Variants in DYNC2H1 observed in about 807,000 individuals in gnomAD.
DYNC2H1 encodes dynein cytoplasmic 2 heavy chain 1, also known as cytoplasmic dynein 2 heavy chain 1.
Under a neutral mutation model 570.0 loss-of-function variants are expected in DYNC2H1, and 410 were observed. The observed-to-expected ratio is 0.72, with a 90% CI of 0.66 to 0.78. DYNC2H1 has a LOEUF of 0.78. Among genes scored for constraint, DYNC2H1 ranks in the 30% least tolerant of loss-of-function variants. DYNC2H1 has a pLI of 0.00. For missense variants in DYNC2H1, 4,865 were observed against 5,046.4 expected, an observed-to-expected ratio of 0.96 and a Z score of 1.09; for synonymous variants, 1,688 against 1,677.6, an observed-to-expected ratio of 1.01 and a Z score of -0.15.
chr11:103,293,163 G>A (rs746118292), intron 75 of DYNC2H1, among the ~76,000 whole-genome samples: 1 of 151,922 alleles, frequency 6.6e-6, no homozygotes, highest in Non-Finnish European at 1.5e-5. Flanking sequence ...TCTTTTTTAT[G>A]TTTGAAGAAT....
Position 103,479,177 on chromosome 11 carries a change from A to G in DYNC2H1, c.12848A>G (p.Asn4283Ser), listed in dbSNP as rs747723213. 4 of 1,613,798 alleles carry G rather than the reference A, an allele frequency of 2.5e-6. No individual in the cohort carries two copies. Among genetic ancestry groups the G allele is most frequent in the African/African-American group, 1.3e-5 (1 of 74,922 alleles). Residue 4283 changes from asparagine (N) to serine (S), a missense_variant, in exon 89 of 89, where the codon AAT becomes AGT. This residue lies in a region of DYNC2H1 where 2,401 missense variants were observed against 2,454.6 expected (regional missense o/e 0.98). Transcript: ENST00000375735. Reference protein sequence around the residue: ...TSAERDRVVTNIDVPCGGNQD... With the variant: ...TSAERDRVVTSIDVPCGGNQD... ...GCTGAAAGGGATCGTGTGGTTACCAATATTGATGTTCCATGTGGGGGCAAC... is the reference window on the plus strand; with the variant it reads ...GCTGAAAGGGATCGTGTGGTTACCAGTATTGATGTTCCATGTGGGGGCAAC...
In DYNC2H1 at chr11:103,204,736, T is replaced by C. The variant is rs1862857723; in HGVS notation, c.8312-86T>C. 1 of 978,208 alleles carries C rather than the reference T, an allele frequency of 1.0e-6. No homozygotes were observed. Among genetic ancestry groups the C allele is most frequent in the Admixed American group, 3.3e-5 (1 of 30,310 alleles). The allele number at this position is 978,208 out of a possible 1,614,324, so 60.6% of individuals were successfully genotyped here. A position where few individuals can be genotyped will look rare whatever the true frequency, so the allele number is the denominator to read the frequency against. The stretch of plus-strand genomic sequence containing the variant: ...GCTCGTTTTAAGAAACAACTCCTAC[T>C]ATTTCATTTGAGAAAATTTTGATCT... On this transcript the variant is annotated intron_variant, in intron 51 of 88. Coordinates refer to ENST00000375735, the MANE Select transcript of DYNC2H1 (RefSeq NM_001377.3). This position sits in a 1 kb window ranked among gnomAD's most constrained non-coding sequence, Gnocchi z 4.1.
chr11:103,166,377 CGAG>C (rs1861303802), intron 31 of DYNC2H1, among the ~76,000 whole-genome samples: 1 of 151,994 alleles, frequency 6.6e-6, no homozygotes, highest in South Asian at 2.1e-4. Flanking sequence ...TGAAAAAACT[CGAG>C]GAGAACAATC....
At chr11:103,224,231 G>C (rs1863710981) in intron 59 of DYNC2H1, among the ~76,000 whole-genome samples, 1 of 141,844 alleles carries the variant, frequency 7.1e-6, no homozygotes. Flanking sequence ...TCTAAATGCA[G>C]ACCCAAAGGT....
chr11:103,386,261 G>T (rs1164037408), intron 83 of DYNC2H1, among the ~76,000 whole-genome samples: 1 of 152,114 alleles, frequency 6.6e-6, no homozygotes, highest in Non-Finnish European at 1.5e-5. Flanking sequence ...AAATGATTAT[G>T]CTTTGTTTGT....
chr11:103,184,497 G>A (rs1861986624), intron 40 of DYNC2H1, among the ~76,000 whole-genome samples: 1 of 151,824 alleles, frequency 6.6e-6, no homozygotes, highest in Non-Finnish European at 1.5e-5. Flanking sequence ...ATTTATGCCT[G>A]CTTTTTCTAA....
Position 103,316,534 on chromosome 11 carries a change from T to C in DYNC2H1, c.11650-11T>C. 6.5e-7 allele frequency: 1 copy of C among 1,537,688 alleles called. No individual in the cohort carries two copies. The highest frequency in any genetic ancestry group is 8.7e-7 in the Non-Finnish European group (1 of 1,142,968). ...CTTAGTTGTTTACTTAAAAAAATTG[T>C]TTTTTGACAGGGTTGGACAAAGTTT... is the stretch of plus-strand genomic sequence containing the variant. On this transcript the variant is annotated splice_polypyrimidine_tract_variant and intron_variant, in intron 79 of 88. Transcript: ENST00000375735.
rs556737407 is a variant in DYNC2H1, at chr11:103,275,514, C to A, written c.10696-4834C>A. On this transcript the variant is annotated intron_variant, in intron 70 of 88. Coordinates refer to ENST00000375735, the MANE Select transcript of DYNC2H1 (RefSeq NM_001377.3). This position sits in a 1 kb window ranked among gnomAD's most constrained non-coding sequence, Gnocchi z 4.8. ...TGCCTTATCATTCCTGCTCACTTAA[C>A]CCCTGGCAAACGCTGATCCTTTTAC... Among the ~76,000 whole-genome samples, 1 of 152,286 alleles carries A rather than the reference C, an allele frequency of 6.6e-6. No homozygotes were observed. The highest frequency in any genetic ancestry group is 1.5e-5 in the Non-Finnish European group (1 of 68,028).
intron 84 of DYNC2H1, among the ~76,000 whole-genome samples, chr11:103,434,881 C>G (rs1041099376): frequency 1.3e-5 from 2 of 151,952 alleles, no homozygotes; most frequent in Non-Finnish European, 2.9e-5. Context: ...TTAAAAGTCT[C>G]GAAAGGCAGG....
At chr11:103,140,341 G>A (rs915840388) in intron 17 of DYNC2H1, among the ~76,000 whole-genome samples, 10 of 151,994 alleles carry the variant, frequency 6.6e-5, no homozygotes, top group Non-Finnish European at 1.0e-4. Flanking sequence ...ATTTTGCAGC[G>A]GCTGGTACCA....
intron 72 of DYNC2H1, among the ~76,000 whole-genome samples, chr11:103,282,666 A>G (rs1030747868): frequency 4.6e-5 from 7 of 152,118 alleles, no homozygotes; most frequent in South Asian, 4.1e-4. Context: ...TTCCAGCAGT[A>G]CACCCAAAAT....
At position 103,311,201 on chromosome 11, in the gene DYNC2H1, A is replaced by G. The variant is rs186192880; in HGVS notation, c.11494-677A>G. 2.1e-4 allele frequency among the ~76,000 whole-genome samples: 32 copies of G among 152,262 alleles called. No homozygotes were observed. In the East Asian group the frequency reaches 4.8e-3, roughly 23 times the overall value. On this transcript the variant is annotated intron_variant, in intron 78 of 88. Coordinates refer to ENST00000375735, the MANE Select transcript of DYNC2H1 (RefSeq NM_001377.3). ...ACTTGGGCAGAAAAACCCACATTAT[A>G]TATTTTTTAATATTAGAATTCTTTT...
chr11:103,302,180 A>G lies in DYNC2H1; in HGVS notation c.11096-913A>G, dbSNP rs1319935099. 2.6e-5 allele frequency among the ~76,000 whole-genome samples: 4 copies of G among 152,066 alleles called. 1 individual carries two copies. The highest frequency in any genetic ancestry group is 5.9e-5 in the Non-Finnish European group (4 of 67,920). ...GAAAAATCACAGATGAATTGTTTAAATATAGTTAATGGTGGCAGCTGGGTG... is the reference window on the plus strand; with the variant it reads ...GAAAAATCACAGATGAATTGTTTAAGTATAGTTAATGGTGGCAGCTGGGTG... On this transcript the variant is annotated intron_variant, in intron 75 of 88. Transcript: ENST00000375735.
At chr11:103,116,298 T>A (rs1858391049) in intron 4 of DYNC2H1, among the ~76,000 whole-genome samples, 1 of 152,086 alleles carries the variant, frequency 6.6e-6, no homozygotes, top group Non-Finnish European at 1.5e-5. Context: ...TTTTAAAAAA[T>A]CAAAATTTAA....
chr11:103,114,185 G>A lies in DYNC2H1; in HGVS notation c.449G>A (p.Arg150Gln), dbSNP rs761083348. ...GAAGCTGGGTTGGGTATAGTTCTAC[G>A]AAGATCAGACACTAACTTAACAAAA... ...ELEAGLGIVLRRSDTNLTKLK... is the reference protein window; with the variant it reads ...ELEAGLGIVLQRSDTNLTKLK... The change falls in exon 3 of 89, where the codon CGA (arginine) becomes CAA (glutamine). Residue 150 changes from arginine to glutamine, a missense_variant. By Grantham distance (43) the Arg-to-Gln change is conservative (BLOSUM62 1). This residue lies in a region of DYNC2H1 where 1,936 missense variants were observed against 1,962.1 expected (regional missense o/e 0.99). Coordinates refer to ENST00000375735, the MANE Select transcript of DYNC2H1 (RefSeq NM_001377.3). 14 of 1,603,708 alleles carry A rather than the reference G, an allele frequency of 8.7e-6. No homozygotes were observed. The highest frequency in any genetic ancestry group is 3.4e-5 in the South Asian group (3 of 89,266).
chr11:103,385,073 G>T (rs553991414), intron 83 of DYNC2H1, among the ~76,000 whole-genome samples: 1 of 151,964 alleles, frequency 6.6e-6, no homozygotes, highest in Non-Finnish European at 1.5e-5. Flanking sequence ...ATCTTTTCTT[G>T]CTGCTTTTAA....
chr11:103,220,896 G>A, intron 57 of DYNC2H1, 113 bp downstream of exon 57: 7 of 1,004,876 alleles, frequency 7.0e-6, no homozygotes, highest in East Asian at 2.7e-5. Flanking sequence ...TAAATACATG[G>A]GTGTACATTT....
intron 12 of DYNC2H1, among the ~76,000 whole-genome samples, chr11:103,128,447 A>G (rs1327976829): frequency 6.6e-6 from 1 of 152,200 alleles, no homozygotes; most frequent in African/African-American, 2.4e-5. Context: ...TTTTGAGAGT[A>G]TAGGCAATAG....
At position 103,129,078 on chromosome 11, in the gene DYNC2H1, C is replaced by A; in HGVS notation, c.1953+73C>A. Reference sequence around the variant, plus strand: ...GTTTAATTCTTAATTTTCCGGTGTTCCCTTCAGCTTAATATATCAAATGAT... The same window carrying A: ...GTTTAATTCTTAATTTTCCGGTGTTACCTTCAGCTTAATATATCAAATGAT... On this transcript the variant is annotated intron_variant, in intron 13 of 88. Transcript: ENST00000375735. The surrounding 1 kb of genome is among the most constrained non-coding windows in gnomAD (Gnocchi z 4.1). The A allele has an allele frequency of 7.7e-7, 1 of 1,292,126 alleles. No individual in the cohort carries two copies. Among genetic ancestry groups the A allele is most frequent in the Non-Finnish European group, 1.1e-6 (1 of 926,950 alleles). The allele number at this position is 1,292,126 out of a possible 1,614,324, so 80.0% of individuals were successfully genotyped here. A position where few individuals can be genotyped will look rare whatever the true frequency, so the allele number is the denominator to read the frequency against.
Sources: allele counts gnomAD v4.1 joint callset (sites outside exome capture counted in the v4.1 genomes callset), GRCh38; gene constraint gnomAD v4.1.1; regional missense constraint gnomAD v4.1.1; non-coding constraint Gnocchi (gnomAD v3.1); transcripts MANE v1.5; gene names NCBI Gene and HGNC (gene_info 2026-07-23, HGNC 2026-07-21).